Variants in EBF1 observed in about 807,000 individuals in gnomAD.
The protein encoded by EBF1 is EBF transcription factor 1.
EBF1 carries 10 observed loss-of-function variants against 68.4 expected under a neutral mutation model. The observed-to-expected ratio is 0.15, with a 90% CI of 0.09 to 0.25. The LOEUF is 0.25. EBF1 is among the 10% of genes least tolerant of loss of function. EBF1 has a pLI of 1.00. For synonymous variants in EBF1, 298 were observed against 299.8 expected (o/e 0.99, Z 0.06); for missense variants, 509 against 794.4 (o/e 0.64, Z 4.32).
intron 11 of EBF1, among the ~76,000 whole-genome samples, chr5:158,728,452 T>C (rs1321293488): frequency 6.6e-6 from 1 of 152,210 alleles, no homozygotes; most frequent in Non-Finnish European, 1.5e-5. Flanking sequence ...TAAAAGTGTT[T>C]TCAAAAGTAA....
At chr5:159,009,263 A>G (rs750447156) in intron 6 of EBF1, among the ~76,000 whole-genome samples, 3 of 152,192 alleles carry the variant, frequency 2.0e-5, no homozygotes, top group Non-Finnish European at 2.9e-5. Flanking sequence ...TGTCTGTCCA[A>G]CAAAGAGCGC....
At chr5:158,892,891 C>T (rs147050285) in intron 6 of EBF1, among the ~76,000 whole-genome samples, 2 of 141,912 alleles carry the variant, frequency 1.4e-5, no homozygotes, top group African/African-American at 5.0e-5. Context: ...CTACTCGAAG[C>T]GCCCCTTTTA....
chr5:159,076,413 T>C (rs1320226794), intron 5 of EBF1, among the ~76,000 whole-genome samples: 1 of 152,160 alleles, frequency 6.6e-6, no homozygotes, highest in Non-Finnish European at 1.5e-5. Context: ...ACACCAGGCC[T>C]GAGATTTTTC....
rs145319863 is a variant in EBF1 at position 159,045,315 on chromosome 5, T to C, written c.554+28081A>G. Among the ~76,000 whole-genome samples, 1,192 of 152,272 alleles carry C rather than the reference T, an allele frequency of 7.8e-3. 6 individuals carry two copies. Among genetic ancestry groups the C allele is most frequent in the Non-Finnish European group, 0.012 (807 of 68,028 alleles). ...GCTGAGCTGATGGGAGCAACTTTTT[T>C]GTGCCAAAACGCAGAAGAGAAGTTA... On this transcript the variant is annotated intron_variant, in intron 6 of 15. Transcript: ENST00000313708.
At chr5:159,009,816 G>T (rs769030363) in intron 6 of EBF1, among the ~76,000 whole-genome samples, 1 of 151,026 alleles carries the variant, frequency 6.6e-6, no homozygotes, top group Non-Finnish European at 1.5e-5. Context: ...GATATAGTAC[G>T]TGATATTAGC....
chr5:159,087,008 A>G (rs1484872823), intron 4 of EBF1, among the ~76,000 whole-genome samples: 1 of 152,054 alleles, frequency 6.6e-6, no homozygotes, highest in African/African-American at 2.4e-5. Context: ...ATTTTAAAAA[A>G]CACAGTAAAT....
chr5:158,717,826 A>C (rs186096595), intron 11 of EBF1, among the ~76,000 whole-genome samples: 3 of 152,224 alleles, frequency 2.0e-5, no homozygotes, highest in African/African-American at 7.2e-5. Flanking sequence ...CCTTAAAAAC[A>C]ACAACTACTT....
rs138571259 is a variant in EBF1, at chr5:159,026,058, C to T, written c.554+47338G>A. Among the ~76,000 whole-genome samples, 16 of 152,264 alleles carry T rather than the reference C, an allele frequency of 1.1e-4. No individual in the cohort carries two copies. In the East Asian group the frequency reaches 2.9e-3, roughly 28 times the overall value. On this transcript the variant is annotated intron_variant, in intron 6 of 15. Coordinates refer to ENST00000313708, the MANE Select transcript of EBF1 (RefSeq NM_024007.5). ...AAATAGAGCATGGTGGGAGAGATTT[C>T]CTAGCTCCGTTTTTCAGCCTGGATT...
chr5:158,867,547 A>G (rs1796152470), intron 6 of EBF1, among the ~76,000 whole-genome samples: 2 of 152,124 alleles, frequency 1.3e-5, no homozygotes, highest in African/African-American at 4.8e-5. Flanking sequence ...AACACCATAC[A>G]CAGCGACAAA....
chr5:159,013,233 C>T (rs562040796), intron 6 of EBF1, among the ~76,000 whole-genome samples: 19 of 152,236 alleles, frequency 1.2e-4, no homozygotes, highest in Non-Finnish European at 2.2e-4. Flanking sequence ...GTTTATTCTG[C>T]GGATATTTGT....
intron 6 of EBF1, among the ~76,000 whole-genome samples, chr5:158,865,624 G>A (rs532529618): frequency 9.2e-5 from 14 of 152,264 alleles, no homozygotes; most frequent in African/African-American, 3.1e-4. Context: ...AGATATATTT[G>A]TTGTGCCGTG....
intron 8 of EBF1, among the ~76,000 whole-genome samples, chr5:158,808,614 A>C (rs1183867885): frequency 6.6e-6 from 1 of 152,134 alleles, no homozygotes; most frequent in Non-Finnish European, 1.5e-5. Context: ...ATTGAGGACA[A>C]TAATTATAAG....
chr5:159,053,603 T>TCA (rs576102189), intron 6 of EBF1, among the ~76,000 whole-genome samples: 21,060 of 144,632 alleles, frequency 0.15, 1,383 homozygotes, highest in Non-Finnish European at 0.16. Context: ...TCTCTCTCTC[T>TCA]CTCACACACA....
At chr5:158,819,672 G>T (rs1404944179) in intron 8 of EBF1, among the ~76,000 whole-genome samples, 1 of 152,130 alleles carries the variant, frequency 6.6e-6, no homozygotes, top group Non-Finnish European at 1.5e-5. Flanking sequence ...CTTTCATCCC[G>T]AGCTCATGCT....
chr5:158,988,415 C>G (rs1381040693), intron 6 of EBF1, among the ~76,000 whole-genome samples: 1 of 152,184 alleles, frequency 6.6e-6, no homozygotes, highest in African/African-American at 2.4e-5. Context: ...CAGGCAGCAT[C>G]CTGAGCGACT....
chr5:158,973,579 G>T (rs189737556), intron 6 of EBF1, among the ~76,000 whole-genome samples: 39 of 152,196 alleles, frequency 2.6e-4, no homozygotes, highest in African/African-American at 8.9e-4. Context: ...TCACATTCAG[G>T]TGTGTGAATT....
At chr5:159,034,011 T>A (rs907738574) in intron 6 of EBF1, among the ~76,000 whole-genome samples, 3 of 152,198 alleles carry the variant, frequency 2.0e-5, no homozygotes, top group African/African-American at 7.2e-5. Flanking sequence ...TATGTAGTGT[T>A]TGCAGTGAAA....
intron 6 of EBF1, among the ~76,000 whole-genome samples, chr5:159,000,893 A>G (rs1380728800): frequency 6.6e-6 from 1 of 152,206 alleles, no homozygotes; most frequent in Non-Finnish European, 1.5e-5. Flanking sequence ...ATTCATTGAT[A>G]TTGTTTCAGG....
At chr5:158,885,191 G>A (rs1799791271) in intron 6 of EBF1, among the ~76,000 whole-genome samples, 1 of 152,210 alleles carries the variant, frequency 6.6e-6, no homozygotes, top group South Asian at 2.1e-4. Context: ...TGCATCTAAA[G>A]TTCATCCAGA....
Sources: gnomAD v4.1 joint callset for allele counts (sites outside exome capture counted in the v4.1 genomes callset) on GRCh38, gnomAD v4.1.1 for gene constraint, MANE v1.5 for transcripts, NCBI Gene and HGNC (gene_info 2026-07-23, HGNC 2026-07-21) for gene names.